UMAD1: variants seen among roughly 807,000 people sequenced by gnomAD.
UMAD1 encodes the protein UBAP1-MVB12-associated (UMA) domain containing 1.
Under a neutral mutation model 6.1 loss-of-function variants are expected in UMAD1, and 8 were observed. The observed-to-expected ratio is 1.30, with a 90% CI of 0.76 to 2.35. The LOEUF is 2.35. Among genes scored for constraint, UMAD1 ranks in the 30% most tolerant of loss-of-function variants. The pLI is 0.00. For missense variants in UMAD1, 130 were observed against 78.4 expected (o/e 1.66, Z -2.49); for synonymous variants, 56 against 31.4 (o/e 1.78, Z -2.61).
chr7:7,695,004 A>G (rs1780274443), intron 2 of UMAD1, among the ~76,000 whole-genome samples: 1 of 152,176 alleles, frequency 6.6e-6, no homozygotes, highest in Admixed American at 6.5e-5. Flanking sequence ...ATTCCCACCA[A>G]CAGTGTTTGA....
intron 2 of UMAD1, among the ~76,000 whole-genome samples, chr7:7,797,110 G>T (rs1158973058): frequency 1.3e-5 from 2 of 152,146 alleles, no homozygotes; most frequent in African/African-American, 2.4e-5. Flanking sequence ...TTCTGGTCAG[G>T]GCCCCAGGAA....
In UMAD1 at chr7:7,653,375, A is replaced by G. The variant is rs536069353; in HGVS notation, c.-64+12554A>G. On this transcript the variant is annotated intron_variant, in intron 1 of 3. Coordinates refer to ENST00000682710, the MANE Select transcript of UMAD1 (RefSeq NM_001302348.2). ...TCAGTGATTGAGATCCAAATGATAA[A>G]TTCTTAGTGCAGTTTGTTTATAAGC... is the stretch of plus-strand genomic sequence containing the variant. Among the ~76,000 whole-genome samples, 6 of 152,334 alleles carry G rather than the reference A, an allele frequency of 3.9e-5. No individual in the cohort carries two copies. In the East Asian group the frequency reaches 9.6e-4, roughly 24 times the overall value.
chr7:7,749,715 G>T (rs1781641464), intron 2 of UMAD1, among the ~76,000 whole-genome samples: 1 of 152,050 alleles, frequency 6.6e-6, no homozygotes, highest in East Asian at 1.9e-4. Flanking sequence ...ATGATGAAAA[G>T]ATTTATAAAA....
At chr7:7,824,198 C>T (rs1783299018) in intron 3 of UMAD1, among the ~76,000 whole-genome samples, 1 of 152,068 alleles carries the variant, frequency 6.6e-6, no homozygotes, top group African/African-American at 2.4e-5. Context: ...TAAGGCTTCC[C>T]AGGTGATATT....
At chr7:7,765,589 T>G (rs1465621878) in intron 2 of UMAD1, among the ~76,000 whole-genome samples, 1 of 152,194 alleles carries the variant, frequency 6.6e-6, no homozygotes, top group Non-Finnish European at 1.5e-5. Context: ...TTTCTTGAGT[T>G]TTGTCTCTGT....
At chr7:7,646,577 C>T (rs534643332) in intron 1 of UMAD1, among the ~76,000 whole-genome samples, 8 of 149,664 alleles carry the variant, frequency 5.3e-5, no homozygotes, top group Admixed American at 1.3e-4. Flanking sequence ...TCCCCAGCCA[C>T]GTGGAACTGT....
intron 1 of UMAD1, among the ~76,000 whole-genome samples, chr7:7,647,104 G>A (rs577923610): frequency 6.6e-6 from 1 of 152,206 alleles, no homozygotes; most frequent in African/African-American, 2.4e-5. Flanking sequence ...TTGAGTGTTT[G>A]GTAGTGTTCA....
chr7:7,856,583 T>G (rs1452418280), intron 3 of UMAD1, among the ~76,000 whole-genome samples: 3 of 152,214 alleles, frequency 2.0e-5, no homozygotes, highest in African/African-American at 7.2e-5. Flanking sequence ...CCAAACCGTA[T>G]CATTGGGTGT....
intron 2 of UMAD1, among the ~76,000 whole-genome samples, chr7:7,786,608 T>C (rs529781903): frequency 2.0e-5 from 3 of 152,168 alleles, no homozygotes; most frequent in Non-Finnish European, 4.4e-5. Context: ...ATTTTTTACA[T>C]AATAACTGTA....
intron 2 of UMAD1, among the ~76,000 whole-genome samples, chr7:7,770,615 A>G (rs920271082): frequency 2.6e-5 from 4 of 152,156 alleles, no homozygotes; most frequent in African/African-American, 9.7e-5. Context: ...AGAGGAGACA[A>G]GTTTGAAAGG....
intron 2 of UMAD1, among the ~76,000 whole-genome samples, chr7:7,752,762 TAAAAA>T (rs1268750137): frequency 1.3e-5 from 2 of 152,248 alleles, no homozygotes; most frequent in East Asian, 3.9e-4. Flanking sequence ...GTTGGATAAA[TAAAAA>T]TAAGATGGTA....
intron 2 of UMAD1, among the ~76,000 whole-genome samples, chr7:7,778,254 G>GTA (rs1563198322): frequency 7.2e-6 from 1 of 139,582 alleles, no homozygotes; most frequent in African/African-American, 2.7e-5. Flanking sequence ...GTGTGTGTGT[G>GTA]TGTGTGTGTG....
At position 7,864,434 on chromosome 7, in the gene UMAD1, C is replaced by G. The variant is rs187277974; in HGVS notation, c.157-12847C>G. ...TCAGGGTGTGAGGGGGTACCCAGAG[C>G]TGGACAGGGCACCATCCCATCACAG... On this transcript the variant is annotated intron_variant, in intron 3 of 3. Transcript: ENST00000682710. Among the ~76,000 whole-genome samples, 169 of 152,134 alleles carry G rather than the reference C, an allele frequency of 1.1e-3. 2 individuals are homozygous for G. The highest frequency in any genetic ancestry group is 1.8e-4 in the Non-Finnish European group (12 of 68,002).
intron 1 of UMAD1, among the ~76,000 whole-genome samples, chr7:7,647,333 G>A (rs1254356436): frequency 1.3e-5 from 2 of 152,114 alleles, no homozygotes; most frequent in African/African-American, 4.8e-5. Flanking sequence ...CTGAGGGTAT[G>A]GTTTGTCTAA....
At chr7:7,862,612 C>T (rs1472527691) in intron 3 of UMAD1, among the ~76,000 whole-genome samples, 1 of 152,050 alleles carries the variant, frequency 6.6e-6, no homozygotes, top group East Asian at 1.9e-4. Flanking sequence ...TGTTTTGCAG[C>T]CTTGGTTGTG....
At position 7,657,901 on chromosome 7, in the gene UMAD1, G is replaced by C. The variant is rs1010676249; in HGVS notation, c.-63-15408G>C. Among the ~76,000 whole-genome samples, 6 of 152,280 alleles carry C rather than the reference G, an allele frequency of 3.9e-5. 1 individual carries two copies. In the South Asian group the frequency reaches 1.0e-3, roughly 26 times the overall value. Reference sequence around the variant, plus strand: ...GCATTGAATCTGTAAATTACTTTGGGCAGTATGGCCATTTTCATGATATTG... The same window carrying C: ...GCATTGAATCTGTAAATTACTTTGGCCAGTATGGCCATTTTCATGATATTG... On this transcript the variant is annotated intron_variant, in intron 1 of 3. Transcript: ENST00000682710.
intron 3 of UMAD1, among the ~76,000 whole-genome samples, chr7:7,829,397 C>G (rs546449532): frequency 6.6e-6 from 1 of 151,806 alleles, no homozygotes. Flanking sequence ...TTTTAAGCAT[C>G]TACTTTGATC....
intron 2 of UMAD1, chr7:7,738,585 A>G (rs1054964975): frequency 6.6e-6 from 1 of 152,176 alleles, no homozygotes; most frequent in Non-Finnish European, 1.5e-5. Context: ...GTTCAGGAAA[A>G]TTTTTTGCTT....
chr7:7,643,908 C>T (rs1399179236), intron 1 of UMAD1, among the ~76,000 whole-genome samples: 1 of 152,088 alleles, frequency 6.6e-6, no homozygotes, highest in Non-Finnish European at 1.5e-5. Flanking sequence ...CTGCTTTATG[C>T]CCCTCAGTCA....
Sources: gnomAD v4.1 joint callset for allele counts (sites outside exome capture counted in the v4.1 genomes callset) on GRCh38, gnomAD v4.1.1 for gene constraint, MANE v1.5 for transcripts, NCBI Gene and HGNC (gene_info 2026-07-23, HGNC 2026-07-21) for gene names.